Variants in FLOT1 observed in about 807,000 individuals in gnomAD.
The protein encoded by FLOT1 is flotillin 1, also known as flotillin-1.
In FLOT1, 40 loss-of-function variants were observed where a neutral mutation model predicts 58.4. The observed-to-expected ratio is 0.69, with a 90% CI of 0.53 to 0.89. FLOT1 has a LOEUF of 0.89. FLOT1 is among the 40% of genes least tolerant of loss of function. The probability of loss-of-function intolerance (pLI) is 0.00; values close to 1 mark genes in which losing one functional copy is unlikely to be tolerated. For synonymous variants in FLOT1, 178 were observed against 204.2 expected, an observed-to-expected ratio of 0.87 and a Z score of 1.09; for missense variants, 423 against 540.8, an observed-to-expected ratio of 0.78 and a Z score of 2.16.
In FLOT1 at chr6:30,740,606, T is replaced by C; in HGVS notation, c.475-15A>G. ...TGCAAATAGTCCTGTGGGAGAGATGTAGAAATTAGTCCTTTGGAGGGCTTA... is the reference window on the plus strand; with the variant it reads ...TGCAAATAGTCCTGTGGGAGAGATGCAGAAATTAGTCCTTTGGAGGGCTTA... On this transcript the variant is annotated splice_polypyrimidine_tract_variant and intron_variant, in intron 6 of 12. Coordinates refer to ENST00000376389, the MANE Select transcript of FLOT1 (RefSeq NM_005803.4). The C allele has an allele frequency of 6.2e-7, 1 of 1,612,898 alleles. No individual in the cohort carries two copies. The highest frequency in any genetic ancestry group is 8.5e-7 in the Non-Finnish European group (1 of 1,179,984).
At chr6:30,739,142 C>CT (rs1777782459) in intron 8 of FLOT1, among the ~76,000 whole-genome samples, 1 of 152,176 alleles carries the variant, frequency 6.6e-6, no homozygotes, top group South Asian at 2.1e-4. Context: ...TCTTCATACC[C>CT]TTTTTTAATT....
rs1777661038 is a variant in FLOT1, at chr6:30,737,254, G to GTCCATCCGTCCATCCATCCATCCA, written c.723+2903_723+2904insTGGATGGATGGATGGACGGATGGA. Among the ~76,000 whole-genome samples, 1 of 143,230 alleles carries GTCCATCCGTCCATCCATCCATCCA rather than the reference G, an allele frequency of 7.0e-6. No individual in the cohort carries two copies. Among genetic ancestry groups the GTCCATCCGTCCATCCATCCATCCA allele is most frequent in the African/African-American group, 2.5e-5 (1 of 39,970 alleles). The allele number at this position is 143,230 out of a possible 152,430, so 94.0% of individuals were successfully genotyped here. A position where few individuals can be genotyped will look rare whatever the true frequency, so the allele number is the denominator to read the frequency against. ...CGTCCGTCCGTCCGTCCGTCCATCC[G>GTCCATCCGTCCATCCATCCATCCA]TCCATCCATCCATCCATATATCTAT... On this transcript the variant is annotated intron_variant, in intron 8 of 12. Coordinates refer to ENST00000376389, the MANE Select transcript of FLOT1 (RefSeq NM_005803.4). This position sits in a 1 kb window ranked among gnomAD's most constrained non-coding sequence, Gnocchi z 4.4.
At position 30,740,197 on chromosome 6, in the gene FLOT1, G is replaced by A. The variant is rs1480777962; in HGVS notation, c.684C>T (p.Asn228=). The change falls in exon 8 of 13, where the codon AAC becomes AAT. Residue 228 remains asparagine (N), a synonymous_variant. Coordinates refer to ENST00000376389, the MANE Select transcript of FLOT1 (RefSeq NM_005803.4). The part of the protein sequence containing the change: ...LKKAAYDIEV[N]TRRAQADLAY... ...CCAGGTCAGCCTGTGCTCGGCGGGT[G>A]TTGACCTCGATGTCATAGGCGGCCT... 1.2e-6 allele frequency: 2 copies of A among 1,612,934 alleles called. No homozygotes were observed. Among genetic ancestry groups the A allele is most frequent in the East Asian group, 2.2e-5 (1 of 44,896 alleles).
intron 8 of FLOT1, among the ~76,000 whole-genome samples, chr6:30,731,485 CAAAA>C (rs35667527): frequency 2.4e-5 from 2 of 83,782 alleles, no homozygotes; most frequent in Non-Finnish European, 2.3e-5. Context: ...ACTCCATCTC[CAAAA>C]AAAAAAAAAA....
At chr6:30,740,838 T>TA in intron 5 of FLOT1, 40 bp from the exon 6 acceptor site, 1 of 1,222,000 alleles carries the variant, frequency 8.2e-7, no homozygotes, top group Non-Finnish European at 1.1e-6. Context: ...ATGTAAGTTT[T>TA]TTTTTTTTTT....
chr6:30,741,917 G>A lies in FLOT1; in HGVS notation c.44-50C>T. The A allele has an allele frequency of 6.4e-7, 1 of 1,556,714 alleles. No individual in the cohort carries two copies. Among genetic ancestry groups the A allele is most frequent in the African/African-American group, 1.4e-5 (1 of 73,866 alleles). The stretch of plus-strand genomic sequence containing the variant: ...ACGGTGGCAGAGCTTGAATGTGGAA[G>A]ACTGAGGAACTGGCGGGGGTGAGGG... On this transcript the variant is annotated intron_variant, in intron 2 of 12. Coordinates refer to ENST00000376389, the MANE Select transcript of FLOT1 (RefSeq NM_005803.4). The surrounding 1 kb of genome is among the most constrained non-coding windows in gnomAD (Gnocchi z 5.9).
At position 30,730,478 on chromosome 6, in the gene FLOT1, G is replaced by A; in HGVS notation, c.1039C>T (p.Leu347=). 6.2e-7 allele frequency: 1 copy of A among 1,607,374 alleles called. No individual in the cohort carries two copies. Among genetic ancestry groups the A allele is most frequent in the South Asian group, 1.1e-5 (1 of 90,630 alleles). Residue 347 remains leucine, a synonymous_variant, in exon 11 of 13, where the codon CTG becomes TTG. Coordinates refer to ENST00000376389, the MANE Select transcript of FLOT1 (RefSeq NM_005803.4). ...TCCAGCTGAGCAGCCTCTTGGTACA[G>A]CTGGAAGGCTTCTGCCTTCTTGGCC... ...QMAKKAEAFQ[L]YQEAAQLDML...
chr6:30,742,580 G>A lies in FLOT1; in HGVS notation c.-68C>T, dbSNP rs571414588. 3.5e-5 allele frequency: 9 copies of A among 254,688 alleles called. No individual in the cohort carries two copies. The East Asian group carries it at 8.0e-4, about 23-fold the overall frequency. 15.8% of individuals were successfully genotyped at this position (254,688 alleles called of 1,614,324 possible). ...GGGGTCTCGGGAAGGGCGGGGTCGCGCAGGGACCTGGGAGCCGGGCAGGGG... is the reference window on the plus strand; with the variant it reads ...GGGGTCTCGGGAAGGGCGGGGTCGCACAGGGACCTGGGAGCCGGGCAGGGG... On this transcript the variant is annotated 5_prime_UTR_variant, in exon 1 of 13. Coordinates refer to ENST00000376389, the MANE Select transcript of FLOT1 (RefSeq NM_005803.4). This position sits in a 1 kb window ranked among gnomAD's most constrained non-coding sequence, Gnocchi z 5.2.
rs1239613861 is a variant in FLOT1, at chr6:30,740,204, T to C, written c.677A>G (p.Glu226Gly). The C allele has an allele frequency of 1.2e-6, 2 of 1,612,920 alleles. No homozygotes were observed. Among genetic ancestry groups the C allele is most frequent in the Non-Finnish European group, 1.7e-6 (2 of 1,180,036 alleles). The change falls in exon 8 of 13, where the codon GAG (glutamate) becomes GGG (glycine). Residue 226 changes from glutamate (E) to glycine (G), a missense_variant. Physicochemically the swap from Glu to Gly is moderately conservative, Grantham distance 98. This residue lies in a region of FLOT1 where 137 missense variants were observed against 194.6 expected (regional missense o/e 0.70). Transcript: ENST00000376389. ...YELKKAAYDI[E>G]VNTRRAQADL... ...AGCCTGTGCTCGGCGGGTGTTGACC[T>C]CGATGTCATAGGCGGCCTTCTTCAG...
At position 30,735,848 on chromosome 6, in the gene FLOT1, A is replaced by C. The variant is rs9380182; in HGVS notation, c.723+4310T>G. The stretch of plus-strand genomic sequence containing the variant: ...ATCATTTCATTGTTTTCCCTTTTGC[A>C]GGTTTCAAGCTCAGCTGTGTCATAC... On this transcript the variant is annotated intron_variant, in intron 8 of 12. Coordinates refer to ENST00000376389, the MANE Select transcript of FLOT1 (RefSeq NM_005803.4). 3.7e-3 allele frequency among the ~76,000 whole-genome samples: 561 copies of C among 152,228 alleles called. 31 individuals are homozygous for C. The East Asian group carries it at 0.11, about 29-fold the overall frequency.
intron 12 of FLOT1, among the ~76,000 whole-genome samples, chr6:30,728,846 A>G (rs1345984020): frequency 6.6e-6 from 1 of 151,092 alleles, no homozygotes; most frequent in Admixed American, 6.6e-5. Flanking sequence ...CAGTGGTGCT[A>G]TCTCGGCTCA....
Position 30,741,092 on chromosome 6 carries a change from G to T in FLOT1, c.354+98C>A. 1 of 1,439,022 alleles carries T rather than the reference G, an allele frequency of 6.9e-7. No individual in the cohort carries two copies. Among genetic ancestry groups the T allele is most frequent in the Non-Finnish European group, 9.6e-7 (1 of 1,041,798 alleles). 89.1% of individuals were successfully genotyped at this position (1,439,022 alleles called of 1,614,324 possible). ...ATGAACCACCCTGCCCGGCCGGGAT[G>T]TATGCTCTTGGATCCACTGTCTCTC... On this transcript the variant is annotated intron_variant, in intron 5 of 12. Transcript: ENST00000376389. This position sits in a 1 kb window ranked among gnomAD's most constrained non-coding sequence, Gnocchi z 5.9.
chr6:30,739,336 C>A (rs537190373), intron 8 of FLOT1, among the ~76,000 whole-genome samples: 2 of 152,032 alleles, frequency 1.3e-5, no homozygotes, highest in African/African-American at 4.8e-5. Context: ...ATATGATCAG[C>A]CTTATTGATC....
In FLOT1 at chr6:30,731,485, C is replaced by CAA. The variant is rs35667527; in HGVS notation, c.724-387_724-386dup. Among the ~76,000 whole-genome samples, 562 of 83,620 alleles carry CAA rather than the reference C, an allele frequency of 6.7e-3. 7 individuals are homozygous for CAA. The highest frequency in any genetic ancestry group is 0.031 in the East Asian group (98 of 3,142). The allele number at this position is 83,620 out of a possible 152,430, so 54.9% of individuals were successfully genotyped here. A position where few individuals can be genotyped will look rare whatever the true frequency, so the allele number is the denominator to read the frequency against. ...GGGCAACAGAGTAAGACTCCATCTC[C>CAA]AAAAAAAAAAAAAAAAAAAAAGGAG... On this transcript the variant is annotated intron_variant, in intron 8 of 12. Transcript: ENST00000376389.
In FLOT1 at chr6:30,730,960, T is replaced by C; in HGVS notation, c.864A>G (p.Glu288=). The change falls in exon 9 of 13, where the codon GAA becomes GAG. Residue 288 remains glutamate, a synonymous_variant. Transcript: ENST00000376389. ...GGCGCTCCAGCTTGTAGCGCTCCGC[T>C]TCCGCTGGCTTCCGCACCCGGGCCT... The part of the protein sequence containing the change: ...ELEARVRKPA[E]AERYKLERLA... 1.9e-6 allele frequency: 3 copies of C among 1,613,974 alleles called. No individual in the cohort carries two copies. Among genetic ancestry groups the C allele is most frequent in the South Asian group, 1.1e-5 (1 of 91,064 alleles).
Position 30,740,482 on chromosome 6 carries a change from C to T in FLOT1, c.570+14G>A. On this transcript the variant is annotated intron_variant, in intron 7 of 12. Coordinates refer to ENST00000376389, the MANE Select transcript of FLOT1 (RefSeq NM_005803.4). The stretch of plus-strand genomic sequence containing the variant: ...CTATCCCCTTTCCCACTAAGCAACC[C>T]CCATCTCTCTCACCCGGATCCCAGC... 1 of 1,611,026 alleles carries T rather than the reference C, an allele frequency of 6.2e-7. No homozygotes were observed. Among genetic ancestry groups the T allele is most frequent in the Non-Finnish European group, 8.5e-7 (1 of 1,178,924 alleles).
In FLOT1 at chr6:30,741,889, G is replaced by C. The variant is rs745427365; in HGVS notation, c.44-22C>G. 2 of 1,608,678 alleles carry C rather than the reference G, an allele frequency of 1.2e-6. No homozygotes were observed. Among genetic ancestry groups the C allele is most frequent in the South Asian group, 2.2e-5 (2 of 90,902 alleles). Reference sequence around the variant, plus strand: ...AACCCTGCAAGGTGTGGGGCAGTGAGGAACGGTGGCAGAGCTTGAATGTGG... The same window carrying C: ...AACCCTGCAAGGTGTGGGGCAGTGACGAACGGTGGCAGAGCTTGAATGTGG... On this transcript the variant is annotated intron_variant, in intron 2 of 12. Coordinates refer to ENST00000376389, the MANE Select transcript of FLOT1 (RefSeq NM_005803.4). This position sits in a 1 kb window ranked among gnomAD's most constrained non-coding sequence, Gnocchi z 5.9.
At chr6:30,734,688 G>A (rs1413518171) in intron 8 of FLOT1, among the ~76,000 whole-genome samples, 1 of 151,784 alleles carries the variant, frequency 6.6e-6, no homozygotes, top group Non-Finnish European at 1.5e-5. Context: ...GTCAGCTCTT[G>A]CCAGGTTACC....
In FLOT1 at chr6:30,730,193, GGAGA is replaced by G; in HGVS notation, c.1090-11_1090-8del. 6.2e-7 allele frequency: 1 copy of G among 1,612,840 alleles called. No individual in the cohort carries two copies. The highest frequency in any genetic ancestry group is 8.5e-7 in the Non-Finnish European group (1 of 1,179,888). ...CACTGATCTCCTCTGCCACCTGGCA[GGAGA>G]GAGACACCCACTCAGTGCCCATGAT... On this transcript the variant is annotated splice_polypyrimidine_tract_variant and splice_region_variant and intron_variant, in intron 11 of 12. Coordinates refer to ENST00000376389, the MANE Select transcript of FLOT1 (RefSeq NM_005803.4).
Sources: gnomAD v4.1 joint callset for allele counts (sites outside exome capture counted in the v4.1 genomes callset) on GRCh38, gnomAD v4.1.1 for gene constraint, gnomAD v4.1.1 regional missense constraint, Gnocchi (gnomAD v3.1) non-coding constraint, MANE v1.5 for transcripts, NCBI Gene and HGNC (gene_info 2026-07-23, HGNC 2026-07-21) for gene names.